The following PNLIPRP3 variants were observed in gnomAD, a reference collection of about 807,000 sequenced individuals.
PNLIPRP3 encodes the protein pancreatic lipase-related protein 3.
A neutral mutation model predicts 52.8 loss-of-function variants in PNLIPRP3; 58 were observed. The observed-to-expected ratio is 1.10, with a 90% CI of 0.89 to 1.37. The LOEUF is 1.37. PNLIPRP3 is among the 40% of genes most tolerant of loss of function. PNLIPRP3 has a pLI of 0.00. For missense variants in PNLIPRP3, 593 were observed against 561.6 expected, an observed-to-expected ratio of 1.06 and a Z score of -0.57; for synonymous variants, 192 against 185.0, an observed-to-expected ratio of 1.04 and a Z score of -0.31.
chr10:116,448,845 A>G (rs1055343985), intron 4 of PNLIPRP3, among the ~76,000 whole-genome samples: 2 of 151,942 alleles, frequency 1.3e-5, no homozygotes, highest in African/African-American at 4.8e-5. Flanking sequence ...GTGAAATCCC[A>G]TATCTACTAA....
At chr10:116,464,169 C>T (rs1238670742) in intron 7 of PNLIPRP3, among the ~76,000 whole-genome samples, 4 of 152,146 alleles carry the variant, frequency 2.6e-5, no homozygotes, top group African/African-American at 9.7e-5. Flanking sequence ...CTTTATAAAA[C>T]CCCCCACTTG....
At chr10:116,443,801 G>GTATATATATATA (rs1845898955) in intron 3 of PNLIPRP3, among the ~76,000 whole-genome samples, 1 of 11,158 alleles carries the variant, frequency 9.0e-5, no homozygotes, top group African/African-American at 1.9e-4. Flanking sequence ...ATGTGTGTGT[G>GTATATATATATA]CATATATATA....
chr10:116,465,012 T>G (rs72641369), intron 7 of PNLIPRP3, among the ~76,000 whole-genome samples: 10,539 of 152,118 alleles, frequency 0.069, 949 homozygotes, highest in East Asian at 0.38. Context: ...AAGAAAGAGG[T>G]TACACAGACA....
intron 5 of PNLIPRP3, among the ~76,000 whole-genome samples, chr10:116,460,424 C>G (rs1354178157): frequency 6.6e-6 from 1 of 152,220 alleles, no homozygotes; most frequent in Non-Finnish European, 1.5e-5. Flanking sequence ...CACCTGGCCT[C>G]TTAGTCCAGT....
intron 4 of PNLIPRP3, among the ~76,000 whole-genome samples, chr10:116,448,462 CA>C (rs1352453402): frequency 1.3e-5 from 2 of 151,772 alleles, no homozygotes; most frequent in African/African-American, 4.8e-5. Context: ...TATATTAACA[CA>C]AAAAATCAAC....
At chr10:116,462,717 C>T (rs533931098) in intron 7 of PNLIPRP3, among the ~76,000 whole-genome samples, 229 of 152,196 alleles carry the variant, frequency 1.5e-3, no homozygotes, top group African/African-American at 3.4e-3. Flanking sequence ...TTCTATATTA[C>T]GACTATGAAT....
rs543763828 is a variant in PNLIPRP3, at chr10:116,460,374, C to T, written c.566-592C>T. ...TTCCAGCTATCTTGCCCTTATTTTACGAAACATTTGAACATGACGCAATGG... is the reference window on the plus strand; with the variant it reads ...TTCCAGCTATCTTGCCCTTATTTTATGAAACATTTGAACATGACGCAATGG... On this transcript the variant is annotated intron_variant, in intron 5 of 11. Coordinates refer to ENST00000369230, the MANE Select transcript of PNLIPRP3 (RefSeq NM_001011709.3). 7.2e-5 allele frequency among the ~76,000 whole-genome samples: 11 copies of T among 152,296 alleles called. No individual in the cohort carries two copies. The East Asian group carries it at 1.3e-3, about 19-fold the overall frequency.
At chr10:116,450,803 A>C (rs1218154299) in intron 4 of PNLIPRP3, among the ~76,000 whole-genome samples, 5 of 152,156 alleles carry the variant, frequency 3.3e-5, no homozygotes, top group Non-Finnish European at 7.4e-5. Context: ...ACACAAATAA[A>C]TGGAAAAACA....
At chr10:116,441,437 T>C (rs529715253) in intron 2 of PNLIPRP3, among the ~76,000 whole-genome samples, 39 of 152,298 alleles carry the variant, frequency 2.6e-4, no homozygotes, top group African/African-American at 8.9e-4. Context: ...TTTTCAGATG[T>C]AGAAATGGGA....
intron 8 of PNLIPRP3, 32 bp from the exon 9 acceptor site, chr10:116,469,153 A>G (rs113759118): frequency 0.016 from 24,800 of 1,593,022 alleles, 247 homozygotes; most frequent in Middle Eastern, 0.019. Context: ...TTCTAATTAC[A>G]TAAGTAATCA....
chr10:116,476,300 C>T (rs1052259945), intron 10 of PNLIPRP3, among the ~76,000 whole-genome samples: 3 of 152,132 alleles, frequency 2.0e-5, no homozygotes, highest in African/African-American at 4.8e-5. Context: ...GTCTTGTGTA[C>T]ATTTAGTCCA....
At chr10:116,468,920 A>C (rs963560832) in intron 8 of PNLIPRP3, among the ~76,000 whole-genome samples, 3 of 152,202 alleles carry the variant, frequency 2.0e-5, no homozygotes, top group African/African-American at 7.2e-5. Context: ...CATCTTGCAT[A>C]GTTATTGACT....
intron 1 of PNLIPRP3, among the ~76,000 whole-genome samples, chr10:116,428,846 G>T (rs1845671703): frequency 6.6e-6 from 1 of 152,152 alleles, no homozygotes; most frequent in African/African-American, 2.4e-5. Context: ...GGTTGAGATA[G>T]TATGGTGGTA....
At chr10:116,453,528 C>A (rs1161139433) in intron 4 of PNLIPRP3, among the ~76,000 whole-genome samples, 1 of 152,076 alleles carries the variant, frequency 6.6e-6, no homozygotes, top group Non-Finnish European at 1.5e-5. Context: ...ATTGAAATGT[C>A]ATCCCCAATT....
intron 4 of PNLIPRP3, among the ~76,000 whole-genome samples, chr10:116,449,974 T>C (rs1846011839): frequency 1.3e-5 from 2 of 151,956 alleles, no homozygotes; most frequent in South Asian, 4.2e-4. Context: ...TATGTGCAAA[T>C]TAAACAGAAA....
At chr10:116,440,178 C>T (rs2133116562) in intron 2 of PNLIPRP3, 1 of 566,758 alleles carries the variant, frequency 1.8e-6, no homozygotes, top group East Asian at 2.8e-5. Flanking sequence ...AGGACTAACT[C>T]TATTCCCTGA....
chr10:116,450,308 A>T (rs1192009916), intron 4 of PNLIPRP3, among the ~76,000 whole-genome samples: 1 of 152,210 alleles, frequency 6.6e-6, no homozygotes, highest in East Asian at 1.9e-4. Context: ...TAAGCTCATC[A>T]GATATCATTA....
Position 116,443,067 on chromosome 10 carries a change from G to A in PNLIPRP3, c.217G>A (p.Val73Ile). Residue 73 changes from valine (V) to isoleucine (I), a missense_variant, in exon 3 of 12, where the codon GTT (valine) becomes ATT (isoleucine). Val to Ile is a conservative substitution (Grantham distance 29, BLOSUM62 3). Transcript: ENST00000369230. Reference sequence around the variant, plus strand: ...CTGCTTGAAACAGGAGATCAGTGCGGTTAATTCTTCAACTATCCAAGCCTC... The same window carrying A: ...CTGCTTGAAACAGGAGATCAGTGCGATTAATTCTTCAACTATCCAAGCCTC... ...NPNAYQEISA[V>I]NSSTIQASYF... is the part of the protein sequence containing the mutation. The A allele has an allele frequency of 6.3e-7, 1 of 1,596,444 alleles. No individual in the cohort carries two copies. The highest frequency in any genetic ancestry group is 2.3e-5 in the East Asian group (1 of 44,386).
intron 3 of PNLIPRP3, among the ~76,000 whole-genome samples, chr10:116,443,843 ATG>A (rs1845901687): frequency 7.6e-6 from 1 of 131,660 alleles, no homozygotes. Flanking sequence ...ATATATATAT[ATG>A]GGTTAGGACA....
Sources: gnomAD v4.1 joint callset for allele counts (sites outside exome capture counted in the v4.1 genomes callset) on GRCh38, gnomAD v4.1.1 for gene constraint, MANE v1.5 for transcripts, NCBI Gene and HGNC (gene_info 2026-07-23, HGNC 2026-07-21) for gene names.